NRXN1: variants seen among roughly 807,000 people sequenced by gnomAD.
NRXN1 encodes the protein neurexin-1.
In NRXN1, 39 loss-of-function variants were observed where a neutral mutation model predicts 150.9. The ratio of observed to expected loss-of-function variants is 0.26; its 90% CI spans 0.20 to 0.34. The LOEUF (loss-of-function observed/expected upper bound fraction) is 0.34, where lower values mean the gene tolerates loss of function less well. NRXN1 is among the 10% of genes least tolerant of loss of function. The pLI, the probability that NRXN1 is intolerant of heterozygous loss-of-function variation, is 1.00. For synonymous variants in NRXN1, 924 were observed against 757.0 expected, an observed-to-expected ratio of 1.22 and a Z score of -3.62; for missense variants, 1,815 against 1,949.9, an observed-to-expected ratio of 0.93 and a Z score of 1.30.
chr2:50,367,209 C>T (rs576120380), intron 17 of NRXN1, among the ~76,000 whole-genome samples: 4 of 151,950 alleles, frequency 2.6e-5, no homozygotes, highest in African/African-American at 9.6e-5. Flanking sequence ...AAGAAAATGT[C>T]GTTGAGTAAA....
chr2:50,488,558 G>A (rs1262456304), intron 15 of NRXN1, among the ~76,000 whole-genome samples: 1 of 152,170 alleles, frequency 6.6e-6, no homozygotes, highest in Non-Finnish European at 1.5e-5. Flanking sequence ...ATTGCTAAGA[G>A]CTTTCCTGAG....
intron 8 of NRXN1, among the ~76,000 whole-genome samples, chr2:50,581,837 T>G (rs1485647291): frequency 6.6e-6 from 1 of 152,126 alleles, no homozygotes; most frequent in African/African-American, 2.4e-5. Flanking sequence ...TCCAAGAGCA[T>G]ACAGTTACTT....
intron 18 of NRXN1, among the ~76,000 whole-genome samples, chr2:50,106,581 G>A (rs1442124778): frequency 2.0e-5 from 3 of 151,954 alleles, no homozygotes; most frequent in African/African-American, 7.2e-5. Context: ...GGGCCAAGAT[G>A]AACAAATGTG....
chr2:50,505,074 T>C (rs2092149960), intron 13 of NRXN1, among the ~76,000 whole-genome samples: 1 of 152,148 alleles, frequency 6.6e-6, no homozygotes, highest in Admixed American at 6.6e-5. Flanking sequence ...CATATCACCC[T>C]CTATAATAAT....
At chr2:50,384,614 C>G (rs1440877971) in intron 17 of NRXN1, among the ~76,000 whole-genome samples, 3 of 151,260 alleles carry the variant, frequency 2.0e-5, no homozygotes, top group Non-Finnish European at 4.4e-5. Flanking sequence ...TTCTTCAGGT[C>G]TGTAGGTAGT....
intron 5 of NRXN1, among the ~76,000 whole-genome samples, chr2:50,635,274 C>T (rs1683060894): frequency 6.6e-6 from 1 of 151,828 alleles, no homozygotes; most frequent in South Asian, 2.1e-4. Flanking sequence ...TCTCCTGCCT[C>T]AGCCTCCCAA....
chr2:50,425,627 C>T (rs1487997603), intron 17 of NRXN1, among the ~76,000 whole-genome samples: 1 of 152,116 alleles, frequency 6.6e-6, no homozygotes, highest in Non-Finnish European at 1.5e-5. Context: ...ATGTTGAACC[C>T]TAAATGCTTT....
chr2:50,475,379 C>T (rs1232423476), intron 15 of NRXN1, among the ~76,000 whole-genome samples: 2 of 149,434 alleles, frequency 1.3e-5, no homozygotes, highest in Non-Finnish European at 3.0e-5. Flanking sequence ...TGGATTGAGG[C>T]CACGGTAGAA....
intron 8 of NRXN1, among the ~76,000 whole-genome samples, chr2:50,580,354 G>T (rs754560296): frequency 1.1e-4 from 16 of 152,130 alleles, no homozygotes; most frequent in Non-Finnish European, 1.9e-4. Context: ...AACCCACAGC[G>T]ATCTGGGTTT....
intron 8 of NRXN1, among the ~76,000 whole-genome samples, chr2:50,614,948 G>A (rs938907657): frequency 6.6e-6 from 1 of 152,052 alleles, no homozygotes; most frequent in Non-Finnish European, 1.5e-5. Context: ...CACTTCATAT[G>A]GCAGAGGAGA....
At chr2:50,660,755 C>T (rs1687179586) in intron 5 of NRXN1, among the ~76,000 whole-genome samples, 1 of 151,948 alleles carries the variant, frequency 6.6e-6, no homozygotes, top group South Asian at 2.1e-4. Flanking sequence ...AATTTAGGGT[C>T]CTCCAAGATA....
At chr2:50,285,775 A>G (rs964623527) in intron 17 of NRXN1, among the ~76,000 whole-genome samples, 1 of 152,116 alleles carries the variant, frequency 6.6e-6, no homozygotes, top group African/African-American at 2.4e-5. Context: ...ATGAAATTCA[A>G]CTTTACGAAA....
chr2:50,180,439 C>A (rs1200434692), intron 18 of NRXN1, among the ~76,000 whole-genome samples: 2 of 152,016 alleles, frequency 1.3e-5, no homozygotes, highest in Non-Finnish European at 2.9e-5. Context: ...TGAATGTGTC[C>A]CCCAGAATAT....
intron 21 of NRXN1, among the ~76,000 whole-genome samples, chr2:49,951,846 C>T (rs1674025694): frequency 6.6e-6 from 1 of 151,782 alleles, no homozygotes; most frequent in South Asian, 2.1e-4. Context: ...AATCAAAATC[C>T]CTTTCGGTAA....
chr2:50,095,664 G>T (rs1054463512), intron 18 of NRXN1, among the ~76,000 whole-genome samples: 22 of 151,794 alleles, frequency 1.4e-4, no homozygotes, highest in African/African-American at 5.1e-4. Context: ...TTTTCTAGGT[G>T]CAGAAATCTC....
At chr2:50,578,566 C>A (rs1028900090) in intron 8 of NRXN1, among the ~76,000 whole-genome samples, 3 of 152,102 alleles carry the variant, frequency 2.0e-5, no homozygotes, top group African/African-American at 7.2e-5. Context: ...GTCTACCTAT[C>A]TTAATTCAGA....
intron 5 of NRXN1, among the ~76,000 whole-genome samples, chr2:50,648,579 G>A (rs1303677876): frequency 6.6e-6 from 1 of 151,914 alleles, no homozygotes; most frequent in African/African-American, 2.4e-5. Flanking sequence ...CACGTGAGCC[G>A]CTGCTTCAAA....
chr2:50,841,859 C>T (rs1274758560), intron 5 of NRXN1, among the ~76,000 whole-genome samples: 3 of 152,158 alleles, frequency 2.0e-5, no homozygotes, highest in Non-Finnish European at 4.4e-5. Context: ...ATGCACATAT[C>T]TGATATTGAA....
intron 18 of NRXN1, among the ~76,000 whole-genome samples, chr2:50,157,704 G>A (rs1188689810): frequency 1.3e-5 from 2 of 152,050 alleles, no homozygotes; most frequent in African/African-American, 2.4e-5. Context: ...CAGTAAGAAT[G>A]GAGAGGAAGA....
Sources: allele counts gnomAD v4.1 joint callset (sites outside exome capture counted in the v4.1 genomes callset), GRCh38; gene constraint gnomAD v4.1.1; transcripts MANE v1.5; gene names NCBI Gene and HGNC (gene_info 2026-07-23, HGNC 2026-07-21).